MTUS2: variants seen among roughly 807,000 people sequenced by gnomAD.
The protein encoded by MTUS2 is microtubule associated scaffold protein 2.
A neutral mutation model predicts 114.1 loss-of-function variants in MTUS2; 40 were observed. The observed-to-expected ratio is 0.35, with a 90% CI of 0.27 to 0.46. The LOEUF is 0.46. Among genes scored for constraint, MTUS2 ranks in the 20% least tolerant of loss-of-function variants. MTUS2 has a pLI of 1.00. For synonymous variants in MTUS2, 688 were observed against 672.0 expected (o/e 1.02, Z -0.37); for missense variants, 1,679 against 1,705.4 (o/e 0.98, Z 0.27).
intron 6 of MTUS2, among the ~76,000 whole-genome samples, chr13:29,290,148 G>A (rs866055388): frequency 6.6e-6 from 1 of 152,106 alleles, no homozygotes; most frequent in Admixed American, 6.6e-5. Flanking sequence ...TAATACTTTC[G>A]GTGCCTTTCT....
chr13:29,201,368 A>C (rs915717623), intron 5 of MTUS2, among the ~76,000 whole-genome samples: 1 of 151,838 alleles, frequency 6.6e-6, no homozygotes, highest in Non-Finnish European at 1.5e-5. Flanking sequence ...GCTTGGTAAA[A>C]ATTCCTCAAT....
intron 8 of MTUS2, among the ~76,000 whole-genome samples, chr13:29,425,864 A>G (rs1876482891): frequency 1.3e-5 from 2 of 151,354 alleles, no homozygotes; most frequent in African/African-American, 4.9e-5. Flanking sequence ...CTTTGTGTAG[A>G]TCCTCCAGTC....
In MTUS2 at chr13:29,309,867, G is replaced by A. The variant is rs972377003; in HGVS notation, c.2807-14746G>A. 2.6e-5 allele frequency among the ~76,000 whole-genome samples: 4 copies of A among 152,154 alleles called. No individual in the cohort carries two copies. The East Asian group carries it at 7.7e-4, about 29-fold the overall frequency. The stretch of plus-strand genomic sequence containing the variant: ...TACAATGTGCAATGGTCACATCAGG[G>A]TAAATGAGGTCTCCATCACCTCAAG... On this transcript the variant is annotated intron_variant, in intron 6 of 15. Transcript: ENST00000612955.
intron 7 of MTUS2, among the ~76,000 whole-genome samples, chr13:29,344,544 T>A (rs1406160496): frequency 1.3e-5 from 2 of 152,156 alleles, no homozygotes; most frequent in Non-Finnish European, 2.9e-5. Context: ...TGAGTCCTTA[T>A]GTGTTGTTAG....
intron 5 of MTUS2, among the ~76,000 whole-genome samples, chr13:29,137,337 A>C (rs1397044003): frequency 1.3e-5 from 2 of 151,954 alleles, no homozygotes; most frequent in Non-Finnish European, 2.9e-5. Context: ...CTTTGAGTTC[A>C]TCCTGCTTCC....
intron 5 of MTUS2, among the ~76,000 whole-genome samples, chr13:29,243,070 TA>T: frequency 6.6e-6 from 1 of 152,184 alleles, no homozygotes; most frequent in Non-Finnish European, 1.5e-5. Context: ...TCTGAGATAC[TA>T]TGGGACGCTT....
intron 7 of MTUS2, among the ~76,000 whole-genome samples, chr13:29,358,170 C>T (rs1869909615): frequency 6.6e-6 from 1 of 152,110 alleles, no homozygotes; most frequent in Admixed American, 6.5e-5. Flanking sequence ...GAGATGTAAG[C>T]CCATTGTCAA....
At chr13:28,992,361 G>T (rs1328959483) in intron 2 of MTUS2, among the ~76,000 whole-genome samples, 1 of 152,162 alleles carries the variant, frequency 6.6e-6, no homozygotes, top group East Asian at 1.9e-4. Context: ...TGGTTTCAGA[G>T]CCAAAAGACA....
chr13:29,023,961 C>G (rs534953665), intron 2 of MTUS2, among the ~76,000 whole-genome samples: 21 of 152,100 alleles, frequency 1.4e-4, no homozygotes, highest in African/African-American at 5.1e-4. Context: ...ATAAAATTTT[C>G]GTTTTGTAAG....
rs200673464 is a variant in MTUS2 at position 29,505,072 on chromosome 13, C to T, written c.*1866C>T. 29 of 232,168 alleles carry T rather than the reference C, an allele frequency of 1.2e-4. No homozygotes were observed. In the East Asian group the frequency reaches 1.7e-3, roughly 14 times the overall value. The allele number at this position is 232,168 out of a possible 1,614,324, so 14.4% of individuals were successfully genotyped here. ...CAGTAAATCCACATGGAAACACCAC[C>T]ATTTCTCTTTGCTTTAGTGGCTCTG... On this transcript the variant is annotated 3_prime_UTR_variant, in exon 16 of 16. Transcript: ENST00000612955.
At position 29,044,133 on chromosome 13, in the gene MTUS2, A is replaced by G. The variant is rs377684204; in HGVS notation, c.2446+10008A>G. On this transcript the variant is annotated intron_variant, in intron 4 of 15. Transcript: ENST00000612955. The stretch of plus-strand genomic sequence containing the variant: ...GCCTGAAGGACTTCTTTTAACATTT[A>G]TTGTAGTGGAGGTTTGCTGGTTGTG... 1.7e-3 allele frequency among the ~76,000 whole-genome samples: 264 copies of G among 151,956 alleles called. 1 individual carries two copies. Among genetic ancestry groups the G allele is most frequent in the African/African-American group, 6.0e-3 (249 of 41,460 alleles).
intron 7 of MTUS2, among the ~76,000 whole-genome samples, chr13:29,341,730 A>G (rs1257664541): frequency 1.3e-5 from 2 of 152,130 alleles, no homozygotes; most frequent in African/African-American, 4.8e-5. Context: ...GCCAGTGTCT[A>G]CAAGGGTTTT....
chr13:29,157,236 G>A (rs1454249986), intron 5 of MTUS2, among the ~76,000 whole-genome samples: 4 of 152,046 alleles, frequency 2.6e-5, no homozygotes, highest in Non-Finnish European at 4.4e-5. Context: ...GGCTAGAAGT[G>A]GAATTGTTGG....
rs372421731 is a variant in MTUS2 at position 29,359,426 on chromosome 13, T to C, written c.3070T>C (p.Cys1024Arg). Residue 1024 changes from cysteine to arginine, a missense_variant, in exon 8 of 16, where the codon TGC (cysteine) becomes CGC (arginine). Physicochemically the swap from Cys to Arg is radical, Grantham distance 180 (BLOSUM62 -3). This residue lies in a region of MTUS2 where 822 missense variants were observed against 899.7 expected (regional missense o/e 0.91). Coordinates refer to ENST00000612955, the MANE Select transcript of MTUS2 (RefSeq NM_001033602.4). ...VAQGELKRAI[C>R]GFDALAVATQ... is the part of the protein sequence containing the mutation. ...GCAAGGGGAGCTGAAGAGGGCCATC[T>C]GCGGCTTTGATGCCCTCGCCGTGGC... is the stretch of plus-strand genomic sequence containing the variant. 8.7e-6 allele frequency: 14 copies of C among 1,613,220 alleles called. No homozygotes were observed. The highest frequency in any genetic ancestry group is 1.7e-5 in the Admixed American group (1 of 59,970).
chr13:29,107,276 G>A (rs535623170), intron 5 of MTUS2, among the ~76,000 whole-genome samples: 2 of 152,066 alleles, frequency 1.3e-5, no homozygotes, highest in Non-Finnish European at 2.9e-5. Flanking sequence ...CTCTTAGGGG[G>A]TGGGGGCTAT....
At chr13:29,067,574 A>G (rs987634949) in intron 4 of MTUS2, among the ~76,000 whole-genome samples, 1 of 152,154 alleles carries the variant, frequency 6.6e-6, no homozygotes, top group Admixed American at 6.5e-5. Flanking sequence ...AAGTGAATGG[A>G]AAGTGGGGAA....
chr13:29,145,341 G>A, intron 5 of MTUS2, among the ~76,000 whole-genome samples: 1 of 152,046 alleles, frequency 6.6e-6, no homozygotes, highest in Non-Finnish European at 1.5e-5. Context: ...CCGGGATGGT[G>A]AAACCCCATC....
intron 8 of MTUS2, among the ~76,000 whole-genome samples, chr13:29,384,175 A>G (rs1439706627): frequency 1.3e-5 from 2 of 152,238 alleles, no homozygotes; most frequent in Non-Finnish European, 2.9e-5. Flanking sequence ...AAGGGGAAAT[A>G]TTACAGCCAA....
intron 4 of MTUS2, 117 bp from the exon 5 acceptor site, chr13:29,100,656 G>A (rs1433202718): frequency 1.5e-5 from 19 of 1,230,034 alleles, no homozygotes; most frequent in Non-Finnish European, 2.1e-5. Context: ...ATCAAACCTT[G>A]CAAGATTAAT....
Sources: allele counts gnomAD v4.1 joint callset (sites outside exome capture counted in the v4.1 genomes callset), GRCh38; gene constraint gnomAD v4.1.1; regional missense constraint gnomAD v4.1.1; transcripts MANE v1.5; gene names NCBI Gene and HGNC (gene_info 2026-07-23, HGNC 2026-07-21).